Variants in CXCL2 observed in about 807,000 individuals in gnomAD.
CXCL2 encodes the protein C-X-C motif chemokine 2.
In CXCL2, 12 loss-of-function variants were observed where a neutral mutation model predicts 11.2. That is an observed-to-expected ratio of 1.08 (90% confidence interval 0.69 to 1.74). The LOEUF (loss-of-function observed/expected upper bound fraction) is 1.74. Ranked by LOEUF, CXCL2 falls within the 40% of genes most tolerant of loss-of-function variation. The pLI is 0.00. For missense variants in CXCL2, 120 were observed against 137.8 expected, an observed-to-expected ratio of 0.87 and a Z score of 0.65; for synonymous variants, 68 against 61.9, an observed-to-expected ratio of 1.10 and a Z score of -0.47.
rs1403975975 is a variant in CXCL2 at position 74,099,130 on chromosome 4, C to T, written c.-10G>A. The T allele has an allele frequency of 3.4e-6, 5 of 1,484,612 alleles. No individual in the cohort carries two copies. The South Asian group carries it at 6.5e-5, about 19-fold the overall frequency. 92.0% of individuals were successfully genotyped at this position (1,484,612 alleles called of 1,614,324 possible). A position where few individuals can be genotyped will look rare whatever the true frequency, so the allele number is the denominator to read the frequency against. On this transcript the variant is annotated 5_prime_UTR_variant, in exon 1 of 4. Transcript: ENST00000508487. ...GCGTGGCGCGGGCCATGGGGCTCAG[C>T]AGGCGGTTCGAGCGGCTGTGCGAGG...
Position 74,098,482 on chromosome 4 carries a change from A to G in CXCL2, c.308+119T>C. 3 of 1,049,930 alleles carry G rather than the reference A, an allele frequency of 2.9e-6. No individual in the cohort carries two copies. The South Asian group carries it at 4.8e-5, about 17-fold the overall frequency. The allele number at this position is 1,049,930 out of a possible 1,614,324, so 65.0% of individuals were successfully genotyped here. On this transcript the variant is annotated intron_variant, in intron 3 of 3. Coordinates refer to ENST00000508487, the MANE Select transcript of CXCL2 (RefSeq NM_002089.4). ...CCTTAATGGCAACTTTGTGAAAATA[A>G]TAATTTTTTCAGTCCTGCAGCTAAC...
At position 74,098,837 on chromosome 4, in the gene CXCL2, C is replaced by T; in HGVS notation, c.186G>A (p.Val62=). 1 of 1,614,200 alleles carries T rather than the reference C, an allele frequency of 6.2e-7. No individual in the cohort carries two copies. The highest frequency in any genetic ancestry group is 1.7e-5 in the Admixed American group (1 of 60,036). Residue 62 remains valine, a synonymous_variant, in exon 2 of 4, where the codon GTG becomes GTA. Coordinates refer to ENST00000508487, the MANE Select transcript of CXCL2 (RefSeq NM_002089.4). ...GGGCGCAGTGGGGTCCGGGGGACTT[C>T]ACCTTCACACTTTGGATGTTCTTGA... ...IHLKNIQSVK[V]KSPGPHCAQT...
Position 74,098,528 on chromosome 4 carries a change from T to G in CXCL2, c.308+73A>C, listed in dbSNP as rs560479875. 3.1e-5 allele frequency: 47 copies of G among 1,502,300 alleles called. No individual in the cohort carries two copies. In the South Asian group the frequency reaches 5.0e-4, roughly 16 times the overall value. The allele number at this position is 1,502,300 out of a possible 1,614,324, so 93.1% of individuals were successfully genotyped here. A position where few individuals can be genotyped will look rare whatever the true frequency, so the allele number is the denominator to read the frequency against. Reference sequence around the variant, plus strand: ...CTAACCCTGGGTTTTCCTGATTTACTTTTTAGGGGGCAGACGCCAGTATTT... The same window carrying G: ...CTAACCCTGGGTTTTCCTGATTTACGTTTTAGGGGGCAGACGCCAGTATTT... On this transcript the variant is annotated intron_variant, in intron 3 of 3. Transcript: ENST00000508487.
intron 3 of CXCL2, among the ~76,000 whole-genome samples, chr4:74,098,310 A>G (rs1382470294): frequency 6.6e-6 from 1 of 152,230 alleles, no homozygotes; most frequent in Non-Finnish European, 1.5e-5. Context: ...GTTTTTTAAC[A>G]GGTGGAAAAC....
chr4:74,097,566 A>G lies in CXCL2; in HGVS notation c.*190T>C, dbSNP rs922636707. 5.3e-6 allele frequency: 2 copies of G among 375,566 alleles called. No homozygotes were observed. Among genetic ancestry groups the G allele is most frequent in the Non-Finnish European group, 9.0e-6 (2 of 223,352 alleles). 23.3% of individuals were successfully genotyped at this position (375,566 alleles called of 1,614,324 possible). On this transcript the variant is annotated 3_prime_UTR_variant, in exon 4 of 4. Transcript: ENST00000508487. ...CTTATTTTACACATAAAATATTAAC[A>G]TAGAATCTTCTAAAACAAACAAATA... is the stretch of plus-strand genomic sequence containing the variant.
chr4:74,098,954 G>C, intron 1 of CXCL2, 32 bp from the exon 2 acceptor site: 1 of 1,599,500 alleles, frequency 6.3e-7, no homozygotes, highest in Non-Finnish European at 8.5e-7. Context: ...GATTGAGCGG[G>C]GCTGTCGGCG....
intron 2 of CXCL2, 43 bp downstream of exon 2, chr4:74,098,756 G>T: frequency 1.2e-6 from 2 of 1,613,350 alleles, no homozygotes; most frequent in South Asian, 2.2e-5. Flanking sequence ...CGGGAGAGTC[G>T]GGGACCCCAG....
In CXCL2 at chr4:74,097,578, A is replaced by AAAAC. The variant is rs781386061; in HGVS notation, c.*174_*177dup. The AAAAC allele has an allele frequency of 1.3e-3, 439 of 349,346 alleles. 3 individuals are homozygous for AAAAC. The highest frequency in any genetic ancestry group is 4.4e-3 in the Admixed American group (72 of 16,198). The allele number at this position is 349,346 out of a possible 1,614,324, so 21.6% of individuals were successfully genotyped here. A position where few individuals can be genotyped will look rare whatever the true frequency, so the allele number is the denominator to read the frequency against. Reference sequence around the variant, plus strand: ...ATAAAATATTAACATAGAATCTTCTAAAACAAACAAATAAATAAATAAATA... The same window carrying AAAAC: ...ATAAAATATTAACATAGAATCTTCTAAAACAAACAAACAAATAAATAAATAAATA... On this transcript the variant is annotated 3_prime_UTR_variant, in exon 4 of 4. Coordinates refer to ENST00000508487, the MANE Select transcript of CXCL2 (RefSeq NM_002089.4).
In CXCL2 at chr4:74,099,028, G is replaced by C. The variant is rs750947723; in HGVS notation, c.93C>G (p.Arg31=). Residue 31 remains arginine, a synonymous_variant, in exon 1 of 4, where the codon CGC becomes CGG. Coordinates refer to ENST00000508487, the MANE Select transcript of CXCL2 (RefSeq NM_002089.4). Reference sequence around the variant, plus strand: ...CAGGGCGCCGGGACCCACCTGCTGCGCGCCGGCTGGCGGCCACCAGGAGCA... The same window carrying C: ...CAGGGCGCCGGGACCCACCTGCTGCCCGCCGGCTGGCGGCCACCAGGAGCA... ...LLLLLVAASR[R]AAGAPLATEL... is the part of the protein sequence containing the mutation. 1 of 1,471,732 alleles carries C rather than the reference G, an allele frequency of 6.8e-7. No individual in the cohort carries two copies. The highest frequency in any genetic ancestry group is 1.4e-5 in the South Asian group (1 of 72,898). The allele number at this position is 1,471,732 out of a possible 1,614,324, so 91.2% of individuals were successfully genotyped here. A position where few individuals can be genotyped will look rare whatever the true frequency, so the allele number is the denominator to read the frequency against.
In CXCL2 at chr4:74,098,628, T is replaced by A; in HGVS notation, c.281A>T (p.Lys94Met). 1 of 1,614,204 alleles carries A rather than the reference T, an allele frequency of 6.2e-7. No individual in the cohort carries two copies. Among genetic ancestry groups the A allele is most frequent in the South Asian group, 1.1e-5 (1 of 91,068 alleles). ...ACLNPASPMV[K>M]KIIEKMLKNG... ...TTTCAGCATCTTTTCGATGATTTTCTTAACCATGGGCGATGCGGGGTTGAG... is the reference window on the plus strand; with the variant it reads ...TTTCAGCATCTTTTCGATGATTTTCATAACCATGGGCGATGCGGGGTTGAG... Residue 94 changes from lysine to methionine, a missense_variant, in exon 3 of 4, where the codon AAG (lysine) becomes ATG (methionine). Lys to Met is a moderately conservative substitution (Grantham distance 95). Coordinates refer to ENST00000508487, the MANE Select transcript of CXCL2 (RefSeq NM_002089.4).
At chr4:74,098,748 G>T in intron 2 of CXCL2, 51 bp downstream of exon 2, 2 of 1,613,282 alleles carry the variant, frequency 1.2e-6, no homozygotes, top group Non-Finnish European at 8.5e-7. Context: ...TGGGGCAGCG[G>T]GAGAGTCGGG....
In CXCL2 at chr4:74,099,140, G is replaced by C. The variant is rs1279489224; in HGVS notation, c.-20C>G. 5.4e-6 allele frequency: 8 copies of C among 1,476,612 alleles called. No individual in the cohort carries two copies. In the Admixed American group the frequency reaches 7.2e-5, roughly 13 times the overall value. The allele number at this position is 1,476,612 out of a possible 1,614,324, so 91.5% of individuals were successfully genotyped here. On this transcript the variant is annotated 5_prime_UTR_variant, in exon 1 of 4. Coordinates refer to ENST00000508487, the MANE Select transcript of CXCL2 (RefSeq NM_002089.4). Reference sequence around the variant, plus strand: ...GGCCATGGGGCTCAGCAGGCGGTTCGAGCGGCTGTGCGAGGAGGAGAGCTG... The same window carrying C: ...GGCCATGGGGCTCAGCAGGCGGTTCCAGCGGCTGTGCGAGGAGGAGAGCTG...
chr4:74,097,885 G>A, intron 3 of CXCL2, 114 bp from the exon 4 acceptor site: 1 of 1,137,406 alleles, frequency 8.8e-7, no homozygotes. Flanking sequence ...AGTTTCCCCA[G>A]CCTGGCACCC....
chr4:74,098,789 C>T lies in CXCL2; in HGVS notation c.224+10G>A, dbSNP rs779089045. 1 of 1,613,680 alleles carries T rather than the reference C, an allele frequency of 6.2e-7. No homozygotes were observed. Among genetic ancestry groups the T allele is most frequent in the Non-Finnish European group, 8.5e-7 (1 of 1,179,738 alleles). On this transcript the variant is annotated intron_variant, in intron 2 of 3. Transcript: ENST00000508487. ...CAGCAGTGGCAGCGGCAGCGATGGG[C>T]GAGACTTACATGACTTCGGTTTGGG... is the stretch of plus-strand genomic sequence containing the variant.
chr4:74,098,670 T>C lies in CXCL2; in HGVS notation c.239A>G (p.Asn80Ser). Residue 80 changes from asparagine to serine, a missense_variant, in exon 3 of 4, where the codon AAT becomes AGT. Coordinates refer to ENST00000508487, the MANE Select transcript of CXCL2 (RefSeq NM_002089.4). Reference sequence around the variant, plus strand: ...GGGGTTGAGACAAGCTTTCTGCCCATTCTTGAGTGTGGCTCTGCAGAGAGA... The same window carrying C: ...GGGGTTGAGACAAGCTTTCTGCCCACTCTTGAGTGTGGCTCTGCAGAGAGA... The part of the protein sequence containing the change: ...AQTEVIATLK[N>S]GQKACLNPAS... The C allele has an allele frequency of 1.9e-6, 3 of 1,614,124 alleles. No homozygotes were observed. Among genetic ancestry groups the C allele is most frequent in the Non-Finnish European group, 2.5e-6 (3 of 1,180,012 alleles).
chr4:74,097,754 G>A lies in CXCL2; in HGVS notation c.*2C>T. On this transcript the variant is annotated 3_prime_UTR_variant, in exon 4 of 4. Transcript: ENST00000508487. Reference sequence around the variant, plus strand: ...ACCAATAAGCTTCCTCCTTCCTTCTGGTCAGTTGGATTTGCCACTGTAATG... The same window carrying A: ...ACCAATAAGCTTCCTCCTTCCTTCTAGTCAGTTGGATTTGCCACTGTAATG... 1.2e-6 allele frequency: 2 copies of A among 1,602,630 alleles called. No individual in the cohort carries two copies. The highest frequency in any genetic ancestry group is 1.7e-6 in the Non-Finnish European group (2 of 1,173,256).
intron 3 of CXCL2, 22 bp downstream of exon 3, chr4:74,098,578 TG>T: frequency 6.2e-7 from 1 of 1,611,238 alleles, no homozygotes; most frequent in Non-Finnish European, 8.5e-7. Flanking sequence ...CAGTCGCCTG[TG>T]TACATGGAAA....
Position 74,097,061 on chromosome 4 carries a change from C to T in CXCL2, c.*695G>A, listed in dbSNP as rs559241204. On this transcript the variant is annotated 3_prime_UTR_variant, in exon 4 of 4. Coordinates refer to ENST00000508487, the MANE Select transcript of CXCL2 (RefSeq NM_002089.4). ...TTTATATTTTTAAATATTTTATTTTCCTGTTCTTTGTGAAAACATCAATAA... is the reference window on the plus strand; with the variant it reads ...TTTATATTTTTAAATATTTTATTTTTCTGTTCTTTGTGAAAACATCAATAA... 1.3e-5 allele frequency: 2 copies of T among 152,288 alleles called. No individual in the cohort carries two copies. The highest frequency in any genetic ancestry group is 2.1e-4 in the South Asian group (1 of 4,826). 9.4% of individuals were successfully genotyped at this position (152,288 alleles called of 1,614,324 possible).
chr4:74,098,413 C>T, intron 3 of CXCL2, 188 bp downstream of exon 3: 1 of 609,266 alleles, frequency 1.6e-6, no homozygotes, highest in Non-Finnish European at 2.8e-6. Flanking sequence ...GGGTGGTGAC[C>T]CTGGGCACTG....
Sources: gnomAD v4.1 joint callset for allele counts (sites outside exome capture counted in the v4.1 genomes callset) on GRCh38, gnomAD v4.1.1 for gene constraint, MANE v1.5 for transcripts, NCBI Gene and HGNC (gene_info 2026-07-23, HGNC 2026-07-21) for gene names.